THSD7B: variants seen among roughly 807,000 people sequenced by gnomAD.
The protein encoded by THSD7B is thrombospondin type-1 domain-containing protein 7B.
In THSD7B, 138 loss-of-function variants were observed where a neutral mutation model predicts 213.6. The observed-to-expected ratio is 0.65, with a 90% CI of 0.56 to 0.74. The LOEUF (loss-of-function observed/expected upper bound fraction) is 0.74, where lower values mean the gene tolerates loss of function less well. THSD7B is among the 30% of genes least tolerant of loss of function. The pLI, the probability that THSD7B is intolerant of heterozygous loss-of-function variation, is 0.00. For synonymous variants in THSD7B, 742 were observed against 687.0 expected, an observed-to-expected ratio of 1.08 and a Z score of -1.25; for missense variants, 1,931 against 1,991.5, an observed-to-expected ratio of 0.97 and a Z score of 0.58.
intron 5 of THSD7B, among the ~76,000 whole-genome samples, chr2:137,151,064 G>A (rs796175452): frequency 7.2e-5 from 11 of 152,210 alleles, no homozygotes; most frequent in African/African-American, 2.6e-4. Flanking sequence ...GGATGTTACT[G>A]TACACTACTG....
intron 15 of THSD7B, among the ~76,000 whole-genome samples, chr2:137,544,841 G>A (rs937036481): frequency 2.6e-5 from 4 of 151,570 alleles, no homozygotes; most frequent in Admixed American, 6.6e-5. Context: ...TTTCATATTC[G>A]AGAAATTTCA....
chr2:137,434,401 A>C (rs953285369), intron 14 of THSD7B, among the ~76,000 whole-genome samples: 12 of 152,220 alleles, frequency 7.9e-5, no homozygotes, highest in African/African-American at 2.7e-4. Flanking sequence ...AAGCTCTTTA[A>C]CAGTATGTTC....
At position 137,411,792 on chromosome 2, in the gene THSD7B, G is replaced by A. The variant is rs768084396; in HGVS notation, c.2879G>A (p.Gly960Glu). The change falls in exon 14 of 28, where the codon GGA (glycine) becomes GAA (glutamate). Residue 960 changes from glycine to glutamate, a missense_variant. By Grantham distance (98) the Gly-to-Glu change is moderately conservative (BLOSUM62 -2). Transcript: ENST00000409968. ...LRVQADSKECGEGLRFRAVAC... is the reference protein window; with the variant it reads ...LRVQADSKECEEGLRFRAVAC... Reference sequence around the variant, plus strand: ...GTACAAGCAGACAGCAAAGAATGTGGAGAAGGCCTGCGCTTTCGAGCAGTA... The same window carrying A: ...GTACAAGCAGACAGCAAAGAATGTGAAGAAGGCCTGCGCTTTCGAGCAGTA... 4 of 1,613,834 alleles carry A rather than the reference G, an allele frequency of 2.5e-6. No homozygotes were observed. Among genetic ancestry groups the A allele is most frequent in the Non-Finnish European group, 3.4e-6 (4 of 1,179,906 alleles).
chr2:136,836,898 C>A (rs1156831604), intron 1 of THSD7B, among the ~76,000 whole-genome samples: 1 of 152,172 alleles, frequency 6.6e-6, no homozygotes, highest in Admixed American at 6.5e-5. Context: ...TCTTCCCCAT[C>A]TTCCCCATCT....
chr2:137,038,235 CT>C (rs1686812860), intron 2 of THSD7B, among the ~76,000 whole-genome samples: 1 of 152,120 alleles, frequency 6.6e-6, no homozygotes. Context: ...TGGAAAGAGA[CT>C]GAAATATTTG....
At position 137,272,618 on chromosome 2, in the gene THSD7B, T is replaced by C. The variant is rs748755471; in HGVS notation, c.2352T>C (p.Tyr784=). 1.2e-6 allele frequency: 2 copies of C among 1,612,274 alleles called. No homozygotes were observed. Among genetic ancestry groups the C allele is most frequent in the Admixed American group, 3.3e-5 (2 of 59,730 alleles). Residue 784 remains tyrosine (Y), a synonymous_variant, in exon 11 of 28, where the codon TAT becomes TAC. Transcript: ENST00000409968. ...GCCAGGAATGCCCAGATACCTTATA[T>C]GAGGAGAGAGAGTGTGAAGATGTTT... ...NGGQECPDTL[Y]EERECEDVSL...
intron 2 of THSD7B, among the ~76,000 whole-genome samples, chr2:136,949,461 G>C (rs538292200): frequency 6.6e-6 from 1 of 152,168 alleles, no homozygotes; most frequent in Non-Finnish European, 1.5e-5. Context: ...CTGAAATTTC[G>C]GAGGGTTGTT....
chr2:137,339,371 A>G (rs1684708325), intron 12 of THSD7B, among the ~76,000 whole-genome samples: 1 of 152,016 alleles, frequency 6.6e-6, no homozygotes, highest in South Asian at 2.1e-4. Context: ...CTATGAGAGA[A>G]GAAAATATAG....
At chr2:137,408,650 T>G (rs1686582409) in intron 13 of THSD7B, among the ~76,000 whole-genome samples, 1 of 152,236 alleles carries the variant, frequency 6.6e-6, no homozygotes. Context: ...CTGTAGTGTT[T>G]CACAGATCTA....
At chr2:137,011,412 TTTGGCC>T (rs1482184637) in intron 2 of THSD7B, among the ~76,000 whole-genome samples, 1 of 152,206 alleles carries the variant, frequency 6.6e-6, no homozygotes, top group Non-Finnish European at 1.5e-5. Flanking sequence ...GTTTTGACAT[TTTGGCC>T]TTGATAATTC....
intron 12 of THSD7B, among the ~76,000 whole-genome samples, chr2:137,365,565 C>G (rs1356041315): frequency 1.3e-5 from 2 of 152,118 alleles, no homozygotes. Flanking sequence ...AACAACCCAT[C>G]AAAAAGTGGG....
chr2:137,512,060 C>T (rs968283078), intron 15 of THSD7B: 1 of 152,058 alleles, frequency 6.6e-6, no homozygotes, highest in Non-Finnish European at 1.5e-5. Context: ...TTGTTACCTG[C>T]CTTTTATCTT....
intron 17 of THSD7B, among the ~76,000 whole-genome samples, chr2:137,582,255 G>C (rs1017398509): frequency 2.0e-5 from 3 of 151,860 alleles, no homozygotes; most frequent in African/African-American, 7.3e-5. Context: ...TGGCATTACT[G>C]GTATGCTAAT....
intron 15 of THSD7B, among the ~76,000 whole-genome samples, chr2:137,497,736 T>A (rs1418810340): frequency 6.6e-6 from 1 of 152,154 alleles, no homozygotes; most frequent in Non-Finnish European, 1.5e-5. Flanking sequence ...ACTGGCAGAC[T>A]GTTGACTAAA....
At chr2:137,078,416 T>C (rs1687675425) in intron 3 of THSD7B, among the ~76,000 whole-genome samples, 1 of 152,218 alleles carries the variant, frequency 6.6e-6, no homozygotes, top group Non-Finnish European at 1.5e-5. Context: ...CTCTAAATTT[T>C]CAAATTCATT....
chr2:136,885,863 T>C (rs1347488011), intron 2 of THSD7B, among the ~76,000 whole-genome samples: 1 of 151,902 alleles, frequency 6.6e-6, no homozygotes, highest in Non-Finnish European at 1.5e-5. Flanking sequence ...GGGCGAGTGG[T>C]AAGAAGGAAA....
intron 3 of THSD7B, among the ~76,000 whole-genome samples, chr2:137,071,923 T>C (rs1225784671): frequency 6.6e-6 from 1 of 152,190 alleles, no homozygotes; most frequent in African/African-American, 2.4e-5. Flanking sequence ...GTTGCAGATA[T>C]GCGGCATTAT....
intron 27 of THSD7B, among the ~76,000 whole-genome samples, chr2:137,670,881 AC>A (rs1683554027): frequency 1.4e-5 from 2 of 142,446 alleles, no homozygotes; most frequent in Non-Finnish European, 3.0e-5. Context: ...AGATTGCGCC[AC>A]TGCACTGCAG....
At chr2:137,093,097 G>A (rs1687980655) in intron 3 of THSD7B, among the ~76,000 whole-genome samples, 1 of 152,136 alleles carries the variant, frequency 6.6e-6, no homozygotes, top group South Asian at 2.1e-4. Context: ...CGAATAACAA[G>A]GGACAAAAGG....
Sources: gnomAD v4.1 joint callset for allele counts (sites outside exome capture counted in the v4.1 genomes callset) on GRCh38, gnomAD v4.1.1 for gene constraint, MANE v1.5 for transcripts, NCBI Gene and HGNC (gene_info 2026-07-23, HGNC 2026-07-21) for gene names.